CHODL: variants seen among roughly 807,000 people sequenced by gnomAD.
CHODL encodes transmembrane protein MT75.
In CHODL, 29 loss-of-function variants were observed where a neutral mutation model predicts 34.5. That is an observed-to-expected ratio of 0.84 (90% CI 0.63 to 1.15). The LOEUF (loss-of-function observed/expected upper bound fraction) is 1.15, where lower values mean the gene tolerates loss of function less well. Ranked by LOEUF, CHODL falls within the 50% of genes most tolerant of loss-of-function variation. CHODL has a pLI of 0.00. For synonymous variants in CHODL, 125 were observed against 116.1 expected, an observed-to-expected ratio of 1.08 and a Z score of -0.49; for missense variants, 332 against 332.5, an observed-to-expected ratio of 1.00 and a Z score of 0.01.
chr21:18,086,758 T>C (rs2065012283), intron 2 of CHODL, among the ~76,000 whole-genome samples: 1 of 152,172 alleles, frequency 6.6e-6, no homozygotes, highest in Non-Finnish European at 1.5e-5. Flanking sequence ...TGTGTCTGTT[T>C]TTCGGCCCCA....
At chr21:18,210,311 C>T (rs2073759095) in intron 2 of CHODL, among the ~76,000 whole-genome samples, 1 of 152,326 alleles carries the variant, frequency 6.6e-6, no homozygotes, top group Non-Finnish European at 1.5e-5. Context: ...CGGCACTTCC[C>T]CTCCCCGATG....
intron 2 of CHODL, among the ~76,000 whole-genome samples, chr21:18,129,785 G>A (rs940482515): frequency 6.6e-6 from 1 of 152,112 alleles, no homozygotes. Context: ...ATGGTGTGAT[G>A]TTCCTGGAAT....
intron 2 of CHODL, among the ~76,000 whole-genome samples, chr21:18,046,161 G>A (rs2064440246): frequency 6.6e-6 from 1 of 151,914 alleles, no homozygotes; most frequent in Non-Finnish European, 1.5e-5. Flanking sequence ...GAGACCGAGA[G>A]GATATCAGAA....
At chr21:18,032,728 T>C (rs2064262097) in intron 2 of CHODL, among the ~76,000 whole-genome samples, 1 of 152,052 alleles carries the variant, frequency 6.6e-6, no homozygotes, top group South Asian at 2.1e-4. Context: ...GAACAGAAGA[T>C]ACCAGAACTT....
intron 2 of CHODL, among the ~76,000 whole-genome samples, chr21:18,202,182 A>C (rs1027124846): frequency 2.0e-5 from 3 of 152,222 alleles, no homozygotes; most frequent in African/African-American, 7.2e-5. Flanking sequence ...AATTGTATTC[A>C]AATAATTTCT....
chr21:17,953,119 T>C (rs925670628), intron 1 of CHODL, among the ~76,000 whole-genome samples: 1 of 152,060 alleles, frequency 6.6e-6, no homozygotes, highest in East Asian at 1.9e-4. Flanking sequence ...AATAATAAAA[T>C]AATATAAGAT....
chr21:17,947,471 A>G (rs1235326679), intron 1 of CHODL, among the ~76,000 whole-genome samples: 1 of 152,036 alleles, frequency 6.6e-6, no homozygotes, highest in Non-Finnish European at 1.5e-5. Context: ...AAATATTTGC[A>G]AACTGTGCAT....
At chr21:17,969,872 T>C (rs754897419) in intron 1 of CHODL, among the ~76,000 whole-genome samples, 1 of 152,194 alleles carries the variant, frequency 6.6e-6, no homozygotes, top group African/African-American at 2.4e-5. Flanking sequence ...CTCTTCTCTT[T>C]GGGCCTCAGA....
intron 1 of CHODL, among the ~76,000 whole-genome samples, chr21:18,247,385 T>C (rs1225884394): frequency 6.6e-6 from 1 of 152,170 alleles, no homozygotes; most frequent in African/African-American, 2.4e-5. Flanking sequence ...TGTAGGATAC[T>C]CAAATAATCA....
intron 2 of CHODL, among the ~76,000 whole-genome samples, chr21:18,210,272 C>G (rs1010733447): frequency 3.0e-4 from 45 of 152,154 alleles, no homozygotes; most frequent in African/African-American, 1.1e-3. Flanking sequence ...CAGAGCAGCA[C>G]TGAGTTCCAG....
At chr21:18,125,391 C>G (rs749550359) in intron 2 of CHODL, among the ~76,000 whole-genome samples, 6 of 152,048 alleles carry the variant, frequency 3.9e-5, no homozygotes, top group Non-Finnish European at 5.9e-5. Context: ...ACATCTTACT[C>G]CATTCATCAG....
chr21:18,206,197 C>G (rs376384064), intron 2 of CHODL, among the ~76,000 whole-genome samples: 1 of 152,144 alleles, frequency 6.6e-6, no homozygotes, highest in African/African-American at 2.4e-5. Context: ...TGTTGACTTT[C>G]TGTCTGGATG....
intron 2 of CHODL, among the ~76,000 whole-genome samples, chr21:18,150,209 AC>A: frequency 6.6e-6 from 1 of 152,140 alleles, no homozygotes; most frequent in Non-Finnish European, 1.5e-5. Flanking sequence ...GATTGTGGAG[AC>A]CAAAGTTCTT....
At chr21:17,981,071 A>G (rs2063481552) in intron 1 of CHODL, among the ~76,000 whole-genome samples, 1 of 152,220 alleles carries the variant, frequency 6.6e-6, no homozygotes, top group Admixed American at 6.5e-5. Context: ...GTTAATAAAT[A>G]GTGGTTACTG....
intron 5 of CHODL, among the ~76,000 whole-genome samples, chr21:18,264,317 A>C (rs2074420175): frequency 1.3e-5 from 2 of 152,136 alleles, no homozygotes; most frequent in Non-Finnish European, 1.5e-5. Flanking sequence ...GATTATCTTG[A>C]GGAAACCAGC....
chr21:17,976,202 C>T (rs2063660506), intron 1 of CHODL, among the ~76,000 whole-genome samples: 1 of 125,162 alleles, frequency 8.0e-6, no homozygotes, highest in Non-Finnish European at 1.6e-5. Context: ...GCCCAGGAGG[C>T]GGATATTGCA....
At chr21:18,055,170 A>C (rs150056) in intron 2 of CHODL, among the ~76,000 whole-genome samples, 149,212 of 152,086 alleles carry the variant, frequency 0.98, 73,202 homozygotes, top group East Asian at 1. Flanking sequence ...TCCATTTCTT[A>C]ATTTTGTTCT....
intron 1 of CHODL, among the ~76,000 whole-genome samples, chr21:17,935,856 T>A (rs1235472661): frequency 6.6e-6 from 1 of 152,098 alleles, no homozygotes; most frequent in Non-Finnish European, 1.5e-5. Flanking sequence ...ATGTAAGGGA[T>A]AGAGAGAAGA....
At chr21:18,027,528 T>C (rs1389969083) in intron 1 of CHODL, among the ~76,000 whole-genome samples, 1 of 152,170 alleles carries the variant, frequency 6.6e-6, no homozygotes, top group Admixed American at 6.6e-5. Flanking sequence ...AGATTTAACG[T>C]AGGTAATGAG....
Sources: allele counts gnomAD v4.1 joint callset (sites outside exome capture counted in the v4.1 genomes callset), GRCh38; gene constraint gnomAD v4.1.1; transcripts MANE v1.5; gene names NCBI Gene and HGNC (gene_info 2026-07-23, HGNC 2026-07-21).